NLRP4: variants seen among roughly 807,000 people sequenced by gnomAD.
NLRP4 encodes the protein NACHT, LRR and PYD domains-containing protein 4.
Under a neutral mutation model 84.7 loss-of-function variants are expected in NLRP4, and 44 were observed. The observed-to-expected ratio is 0.52, with a 90% confidence interval of 0.41 to 0.67. NLRP4 has a LOEUF of 0.67. NLRP4 is among the 30% of genes least tolerant of loss of function. The pLI, the probability that NLRP4 is intolerant of heterozygous loss-of-function variation, is 0.00. For missense variants in NLRP4, 1,260 were observed against 1,219.4 expected (o/e 1.03, Z -0.50); for synonymous variants, 544 against 476.4 (o/e 1.14, Z -1.85).
chr19:55,857,262 G>A (rs761622512), intron 2 of NLRP4, among the ~76,000 whole-genome samples: 44 of 151,720 alleles, frequency 2.9e-4, no homozygotes, highest in Non-Finnish European at 4.4e-5. Flanking sequence ...AGCAATGAAT[G>A]TATATGTGTG....
chr19:55,848,998 C>T (rs1983913896), intron 1 of NLRP4, among the ~76,000 whole-genome samples: 1 of 152,148 alleles, frequency 6.6e-6, no homozygotes, highest in African/African-American at 2.4e-5. Flanking sequence ...TGTGAGGCCT[C>T]CCCAGCCACA....
intron 1 of NLRP4, among the ~76,000 whole-genome samples, chr19:55,850,839 G>C (rs1168809662): frequency 1.1e-5 from 1 of 95,116 alleles, no homozygotes; most frequent in Non-Finnish European, 1.8e-5. Flanking sequence ...CCGAGGCTGC[G>C]GTGTAATTTA....
rs144793858 is a variant in NLRP4, at chr19:55,878,136, G to A, written c.2697-658G>A. Among the ~76,000 whole-genome samples, 41 of 152,332 alleles carry A rather than the reference G, an allele frequency of 2.7e-4. No homozygotes were observed. The East Asian group carries it at 7.9e-3, about 29-fold the overall frequency. On this transcript the variant is annotated intron_variant, in intron 8 of 9. Transcript: ENST00000301295. ...TCCATAAAAATTAGCCAGGCGTGGT[G>A]CATGCCTGTAGCCCCAGTTACTCAG... is the stretch of plus-strand genomic sequence containing the variant.
chr19:55,874,758 C>G (rs1985310300), intron 7 of NLRP4, among the ~76,000 whole-genome samples: 1 of 152,074 alleles, frequency 6.6e-6, no homozygotes, highest in Non-Finnish European at 1.5e-5. Flanking sequence ...CTAGCATAAT[C>G]TTGATGCCAG....
chr19:55,877,894 C>T (rs1298553149), intron 8 of NLRP4, among the ~76,000 whole-genome samples: 1 of 152,140 alleles, frequency 6.6e-6, no homozygotes, highest in Non-Finnish European at 1.5e-5. Context: ...TTTTGGGGTA[C>T]TGGGGTTTAG....
intron 1 of NLRP4, among the ~76,000 whole-genome samples, chr19:55,841,589 G>A (rs1056866054): frequency 1.3e-5 from 2 of 152,152 alleles, no homozygotes; most frequent in Non-Finnish European, 2.9e-5. Flanking sequence ...CAGGCCGGGT[G>A]CGGTGGCTCA....
At chr19:55,855,122 A>C (rs1984360656) in intron 2 of NLRP4, among the ~76,000 whole-genome samples, 1 of 152,166 alleles carries the variant, frequency 6.6e-6, no homozygotes, top group South Asian at 2.1e-4. Context: ...AGGCAGGAGG[A>C]TCACTTCAGC....
intron 1 of NLRP4, among the ~76,000 whole-genome samples, chr19:55,846,062 C>T (rs1423782818): frequency 2.6e-5 from 4 of 152,156 alleles, no homozygotes; most frequent in Admixed American, 2.6e-4. Flanking sequence ...CTTTTGTTGC[C>T]ATTGCTTGGT....
At chr19:55,867,910 G>A in intron 6 of NLRP4, 34 bp downstream of exon 6, 1 of 1,597,904 alleles carries the variant, frequency 6.3e-7, no homozygotes, top group Non-Finnish European at 8.6e-7. Flanking sequence ...ACTGTGGAGG[G>A]CCATGGCGGC....
rs779683298 is a variant in NLRP4 at position 55,867,763 on chromosome 19, A to G, written c.2241A>G (p.Leu747=). Residue 747 remains leucine, a synonymous_variant, in exon 6 of 10, where the codon CTA becomes CTG. Transcript: ENST00000301295. ...ATTGTGAAGTCCTTGCTGGCCTTCT[A>G]ACCAACAACAAGAAGCTGACGTATC... is the stretch of plus-strand genomic sequence containing the variant. The part of the protein sequence containing the change: ...PIDCEVLAGL[L]TNNKKLTYLN... 22 of 1,613,934 alleles carry G rather than the reference A, an allele frequency of 1.4e-5. No individual in the cohort carries two copies. The East Asian group carries it at 4.5e-4, about 33-fold the overall frequency.
At chr19:55,844,427 A>G (rs1452389746) in intron 1 of NLRP4, among the ~76,000 whole-genome samples, 1 of 152,036 alleles carries the variant, frequency 6.6e-6, no homozygotes, top group African/African-American at 2.4e-5. Context: ...ACAGGCACAT[A>G]CCACCACTTG....
chr19:55,873,018 G>A (rs2118211), intron 7 of NLRP4, among the ~76,000 whole-genome samples: 30,926 of 152,068 alleles, frequency 0.2, 3,493 homozygotes, highest in East Asian at 0.37. Context: ...ATGGCGGGGA[G>A]ACGGGAGGGT....
At chr19:55,853,369 T>C (rs1984245802) in intron 2 of NLRP4, among the ~76,000 whole-genome samples, 1 of 152,188 alleles carries the variant, frequency 6.6e-6, no homozygotes, top group Non-Finnish European at 1.5e-5. Context: ...TGTTTATTCT[T>C]CTGGGACTCC....
chr19:55,876,792 T>C (rs750055225), intron 7 of NLRP4, among the ~76,000 whole-genome samples: 2 of 152,204 alleles, frequency 1.3e-5, no homozygotes, highest in Non-Finnish European at 2.9e-5. Context: ...TTTTTTCGTT[T>C]GTATTTTTTA....
chr19:55,855,961 C>T (rs866272673), intron 2 of NLRP4, among the ~76,000 whole-genome samples: 1 of 152,194 alleles, frequency 6.6e-6, no homozygotes, highest in Non-Finnish European at 1.5e-5. Context: ...GGGAAGCTCA[C>T]CAGTGTAGCA....
chr19:55,877,248 C>T, intron 8 of NLRP4, 82 bp downstream of exon 8: 1 of 1,305,222 alleles, frequency 7.7e-7, no homozygotes, highest in Non-Finnish European at 1.1e-6. Context: ...AAGATGAAAA[C>T]TCCAACAGGA....
In NLRP4 at chr19:55,850,094, G is replaced by A. The variant is rs1440473367; in HGVS notation, c.-65-1922G>A. On this transcript the variant is annotated intron_variant, in intron 1 of 9. Coordinates refer to ENST00000301295, the MANE Select transcript of NLRP4 (RefSeq NM_134444.5). ...CCGAGACTGCGGTGTAATTTCCGTG[G>A]CTGCGGTGTAATTACCGTAGCTGCG... 8.2e-4 allele frequency among the ~76,000 whole-genome samples: 95 copies of A among 115,180 alleles called. 9 individuals are homozygous for A. Among genetic ancestry groups the A allele is most frequent in the African/African-American group, 1.4e-3 (32 of 23,496 alleles). 75.6% of individuals were successfully genotyped at this position (115,180 alleles called of 152,430 possible).
rs147621156 is a variant in NLRP4, at chr19:55,858,205, C to T, written c.812C>T (p.Pro271Leu). 48 of 1,613,996 alleles carry T rather than the reference C, an allele frequency of 3.0e-5. No individual in the cohort carries two copies. The Middle Eastern group carries it at 8.2e-4, about 28-fold the overall frequency. The change falls in exon 3 of 10, where the codon CCG becomes CTG. Residue 271 changes from proline (P) to leucine (L), a missense_variant. By Grantham distance (98) the Pro-to-Leu change is moderately conservative (BLOSUM62 -3). Transcript: ENST00000301295. This position sits in a 1 kb window ranked among gnomAD's most constrained non-coding sequence, Gnocchi z 4.2. ...AGTTTGCTGAGGAAGAAGATGCTCCCGGAGGCCTCCCTGCTCATCGCTATC... is the reference window on the plus strand; with the variant it reads ...AGTTTGCTGAGGAAGAAGATGCTCCTGGAGGCCTCCCTGCTCATCGCTATC... ...LSSLLRKKML[P>L]EASLLIAIKP...
At chr19:55,865,757 C>T (rs915120194) in intron 5 of NLRP4, among the ~76,000 whole-genome samples, 2 of 152,112 alleles carry the variant, frequency 1.3e-5, no homozygotes, top group African/African-American at 4.8e-5. Flanking sequence ...CACCTTTGCA[C>T]ATTTTTAATT....
Sources: gnomAD v4.1 joint callset for allele counts (sites outside exome capture counted in the v4.1 genomes callset) on GRCh38, gnomAD v4.1.1 for gene constraint, Gnocchi (gnomAD v3.1) non-coding constraint, MANE v1.5 for transcripts, NCBI Gene and HGNC (gene_info 2026-07-23, HGNC 2026-07-21) for gene names.